NALCN: variants seen among roughly 807,000 people sequenced by gnomAD.
NALCN encodes sodium leak channel, non-selective.
In NALCN, 111 loss-of-function variants were observed where a neutral mutation model predicts 225.3. That is an observed-to-expected ratio of 0.49 (90% CI 0.42 to 0.58). The LOEUF (loss-of-function observed/expected upper bound fraction) is 0.58, where lower values mean the gene tolerates loss of function less well. Ranked by LOEUF, NALCN falls within the 20% of genes least tolerant of loss-of-function variation. NALCN has a pLI of 0.00. For missense variants in NALCN, 1,378 were observed against 2,202.4 expected, an observed-to-expected ratio of 0.63 and a Z score of 7.49; for synonymous variants, 764 against 769.0, an observed-to-expected ratio of 0.99 and a Z score of 0.11.
chr13:101,208,284 T>C (rs2040397255), intron 13 of NALCN, among the ~76,000 whole-genome samples: 1 of 152,088 alleles, frequency 6.6e-6, no homozygotes, highest in Admixed American at 6.6e-5. Context: ...GGTCTGCAGC[T>C]TCACTCCTGA....
chr13:101,253,520 T>C (rs553430571), intron 11 of NALCN, among the ~76,000 whole-genome samples: 1 of 152,220 alleles, frequency 6.6e-6, no homozygotes, highest in Non-Finnish European at 1.5e-5. Flanking sequence ...ATTATAACTA[T>C]TTTGAGAATT....
At chr13:101,206,751 T>C (rs1420126460) in intron 13 of NALCN, among the ~76,000 whole-genome samples, 2 of 150,364 alleles carry the variant, frequency 1.3e-5, no homozygotes, top group East Asian at 1.9e-4. Context: ...TATATACACA[T>C]ATAACAAAAA....
chr13:101,095,780 A>G, intron 27 of NALCN, 100 bp from the exon 28 acceptor site: 2 of 991,720 alleles, frequency 2.0e-6, no homozygotes, highest in Non-Finnish European at 3.0e-6. Flanking sequence ...GGAATCCCAA[A>G]AGCCCTTTAT....
At chr13:101,351,512 C>A (rs1313719746) in intron 6 of NALCN, among the ~76,000 whole-genome samples, 2 of 152,096 alleles carry the variant, frequency 1.3e-5, no homozygotes, top group Non-Finnish European at 2.9e-5. Context: ...ACCTCAGGAC[C>A]TCAGAGTCCT....
chr13:101,245,716 T>C (rs896163517), intron 11 of NALCN, among the ~76,000 whole-genome samples: 1 of 82,192 alleles, frequency 1.2e-5, no homozygotes, highest in Admixed American at 1.1e-4. Context: ...CATTTCACAC[T>C]GACTTCTTAG....
rs1332992906 is a variant in NALCN at position 101,053,847 on chromosome 13, A to G, written c.*1448T>C. 1 of 152,194 alleles carries G rather than the reference A, an allele frequency of 6.6e-6. No homozygotes were observed. The highest frequency in any genetic ancestry group is 3.2e-3 in the Middle Eastern group (1 of 316). 9.4% of individuals were successfully genotyped at this position (152,194 alleles called of 1,614,324 possible). ...TAAACTCCAAGTGAACATCAAATCA[A>G]ATCTAATCCTTTTGGCCACATGACT... On this transcript the variant is annotated 3_prime_UTR_variant, in exon 44 of 44. Coordinates refer to ENST00000251127, the MANE Select transcript of NALCN (RefSeq NM_052867.4).
chr13:101,330,522 T>A (rs1566583223), intron 7 of NALCN, among the ~76,000 whole-genome samples: 1 of 152,204 alleles, frequency 6.6e-6, no homozygotes, highest in Non-Finnish European at 1.5e-5. Flanking sequence ...TTGCTTGACT[T>A]CTGTCCAGAT....
intron 14 of NALCN, among the ~76,000 whole-genome samples, chr13:101,184,899 T>C (rs2039385458): frequency 2.6e-5 from 4 of 152,202 alleles, no homozygotes; most frequent in Admixed American, 2.6e-4. Flanking sequence ...TTTTATGATT[T>C]TTTTCCTTTT....
chr13:101,134,540 T>C (rs2139745909), intron 17 of NALCN, among the ~76,000 whole-genome samples: 1 of 152,380 alleles, frequency 6.6e-6, no homozygotes, highest in African/African-American at 2.4e-5. Flanking sequence ...AATATTAAAG[T>C]ATTACTTTTT....
At chr13:101,124,479 C>A (rs1443524098) in intron 18 of NALCN, 129 bp downstream of exon 18, 1 of 808,602 alleles carries the variant, frequency 1.2e-6, no homozygotes, top group Non-Finnish European at 1.9e-6. Flanking sequence ...TACATAGATA[C>A]TCAAAGCTAC....
chr13:101,376,903 A>G lies in NALCN; in HGVS notation c.515+14T>C. The G allele has an allele frequency of 2.5e-6, 4 of 1,614,126 alleles. No individual in the cohort carries two copies. Among genetic ancestry groups the G allele is most frequent in the South Asian group, 1.1e-5 (1 of 91,048 alleles). ...TAAACTTTTCCTCTTAACTTATTGT[A>G]AAGCAGCGCTCACTTTAAAATATTT... On this transcript the variant is annotated intron_variant, in intron 5 of 43. Transcript: ENST00000251127.
chr13:101,063,391 C>A (rs1293072508), intron 40 of NALCN, among the ~76,000 whole-genome samples: 1 of 152,200 alleles, frequency 6.6e-6, no homozygotes, highest in African/African-American at 2.4e-5. Context: ...ATATACTGGG[C>A]TAGGGGAATA....
chr13:101,056,288 T>TCTCA (rs970472225), intron 43 of NALCN, among the ~76,000 whole-genome samples: 4 of 137,920 alleles, frequency 2.9e-5, no homozygotes, highest in African/African-American at 1.1e-4. Flanking sequence ...GGAGACAGGT[T>TCTCA]CTCACTCTCT....
chr13:101,143,040 G>T, intron 17 of NALCN, 40 bp downstream of exon 17: 1 of 1,613,314 alleles, frequency 6.2e-7, no homozygotes, highest in Non-Finnish European at 8.5e-7. Flanking sequence ...AAACATAGAT[G>T]CTTTTTAGAA....
intron 3 of NALCN, among the ~76,000 whole-genome samples, chr13:101,389,132 C>T (rs2139464464): frequency 6.6e-6 from 1 of 152,300 alleles, no homozygotes; most frequent in South Asian, 2.1e-4. Flanking sequence ...CTAGCCTAGC[C>T]ACATTGTGGA....
chr13:101,095,745 G>A, intron 27 of NALCN, 65 bp from the exon 28 acceptor site: 1 of 1,308,030 alleles, frequency 7.6e-7, no homozygotes, highest in Non-Finnish European at 1.1e-6. Flanking sequence ...AAAGATAAAG[G>A]ATAGGAAACT....
chr13:101,169,016 C>T (rs568924592), intron 15 of NALCN, among the ~76,000 whole-genome samples: 1 of 152,212 alleles, frequency 6.6e-6, no homozygotes, highest in African/African-American at 2.4e-5. Context: ...GAGAAAACGT[C>T]CCTGATTTCA....
At position 101,074,573 on chromosome 13, in the gene NALCN, A is replaced by C; in HGVS notation, c.4044T>G (p.Cys1348Trp). The stretch of plus-strand genomic sequence containing the variant: ...ATAAAACAACTCCAGCAAAAGCGTA[A>C]CACAGCAGCAAGAGAAACATGCCTA... ...IIVGMFLLLL[C>W]YAFAGVVLFG... The change falls in exon 36 of 44, where the codon TGT (cysteine) becomes TGG (tryptophan). Residue 1348 changes from cysteine to tryptophan, a missense_variant. Cys to Trp is a radical substitution (Grantham distance 215, BLOSUM62 -2). Around this residue, in one of 19 missense-constraint regions of NALCN, gnomAD observed 76 missense variants for 118.7 expected, o/e 0.64. Transcript: ENST00000251127. The C allele has an allele frequency of 6.2e-7, 1 of 1,613,916 alleles. No homozygotes were observed. The highest frequency in any genetic ancestry group is 8.5e-7 in the Non-Finnish European group (1 of 1,179,980).
rs568484019 is a variant in NALCN, at chr13:101,228,148, A to G, written c.1626+1245T>C. ...CTAAATGACCAGATGCTTTAAAGGC[A>G]CTCGACAAATCCTTGGCGGCACATG... On this transcript the variant is annotated intron_variant, in intron 13 of 43. Coordinates refer to ENST00000251127, the MANE Select transcript of NALCN (RefSeq NM_052867.4). 2.0e-5 allele frequency among the ~76,000 whole-genome samples: 3 copies of G among 150,992 alleles called. No homozygotes were observed. The East Asian group carries it at 6.0e-4, about 30-fold the overall frequency.
Sources: allele counts gnomAD v4.1 joint callset (sites outside exome capture counted in the v4.1 genomes callset), GRCh38; gene constraint gnomAD v4.1.1; regional missense constraint gnomAD v4.1.1; transcripts MANE v1.5; gene names NCBI Gene and HGNC (gene_info 2026-07-23, HGNC 2026-07-21).